NRG1: variants seen among roughly 807,000 people sequenced by gnomAD.
NRG1 encodes neuregulin 1.
NRG1 carries 18 observed loss-of-function variants against 63.8 expected under a neutral mutation model. The observed-to-expected ratio is 0.28, with a 90% CI of 0.19 to 0.42. The LOEUF (loss-of-function observed/expected upper bound fraction) is 0.42, where lower values mean the gene tolerates loss of function less well. Ranked by LOEUF, NRG1 falls within the 10% of genes least tolerant of loss-of-function variation. The pLI, the probability that NRG1 is intolerant of heterozygous loss-of-function variation, is 1.00. For synonymous variants in NRG1, 302 were observed against 301.3 expected, an observed-to-expected ratio of 1.00 and a Z score of -0.02; for missense variants, 762 against 814.7, an observed-to-expected ratio of 0.94 and a Z score of 0.79.
chr8:32,073,034 G>A (rs1311227166), intron 1 of NRG1, among the ~76,000 whole-genome samples: 1 of 152,000 alleles, frequency 6.6e-6, no homozygotes, highest in Non-Finnish European at 1.5e-5. Flanking sequence ...CAAAGAGATA[G>A]CCTGAGGTTA....
At chr8:32,614,944 C>T (rs1847071283) in intron 4 of NRG1, among the ~76,000 whole-genome samples, 1 of 152,116 alleles carries the variant, frequency 6.6e-6, no homozygotes, top group Non-Finnish European at 1.5e-5. Context: ...AATTTGTCAA[C>T]ATCTGATCCG....
chr8:31,836,376 T>C (rs901035773), intron 1 of NRG1, among the ~76,000 whole-genome samples: 1 of 152,130 alleles, frequency 6.6e-6, no homozygotes, highest in Non-Finnish European at 1.5e-5. Flanking sequence ...TACATATTTG[T>C]TGGGAGCAAA....
At chr8:32,053,566 C>T (rs1414968017) in intron 1 of NRG1, among the ~76,000 whole-genome samples, 8 of 152,154 alleles carry the variant, frequency 5.3e-5, no homozygotes, top group Admixed American at 5.2e-4. Context: ...TGGGTGGCCT[C>T]TGACATGATG....
chr8:32,293,778 G>C (rs1194089110), intron 1 of NRG1, among the ~76,000 whole-genome samples: 1 of 129,862 alleles, frequency 7.7e-6, no homozygotes, highest in African/African-American at 3.1e-5. Flanking sequence ...GGAGAGCAAT[G>C]GTGCTATCTC....
intron 1 of NRG1, among the ~76,000 whole-genome samples, chr8:32,133,932 T>C (rs939159667): frequency 1.3e-5 from 2 of 152,176 alleles, no homozygotes; most frequent in South Asian, 2.1e-4. Context: ...TAAGTGATTA[T>C]TTTTCAGCCA....
exon 9 of NRG1, chr8:32,756,508 C>G (rs775162169): frequency 6.2e-7 from 1 of 1,612,496 alleles, no homozygotes; most frequent in East Asian, 2.2e-5. Flanking sequence ...ACCCACCCCC[C>G]GAGAATGTCC....
At chr8:32,440,092 C>A (rs780457712) in intron 1 of NRG1, among the ~76,000 whole-genome samples, 9 of 152,190 alleles carry the variant, frequency 5.9e-5, no homozygotes, top group Non-Finnish European at 8.8e-5. Context: ...TGCAAAACAC[C>A]TCTTACAAGG....
At chr8:32,678,893 G>A (rs1467360974) in intron 5 of NRG1, among the ~76,000 whole-genome samples, 3 of 133,204 alleles carry the variant, frequency 2.3e-5, no homozygotes, top group Non-Finnish European at 5.1e-5. Flanking sequence ...CTCAAAAAAA[G>A]TTTTAATTTA....
intron 1 of NRG1, among the ~76,000 whole-genome samples, chr8:32,573,252 G>T (rs1838970895): frequency 6.6e-6 from 1 of 152,210 alleles, no homozygotes. Flanking sequence ...GTTCCATGAT[G>T]ACTTATTGAC....
At chr8:32,151,115 G>A (rs1837456327) in intron 1 of NRG1, among the ~76,000 whole-genome samples, 2 of 151,940 alleles carry the variant, frequency 1.3e-5, no homozygotes, top group South Asian at 4.1e-4. Flanking sequence ...TAAGACAGCT[G>A]GTAAAAAATA....
chr8:32,033,219 C>A (rs28770892), intron 1 of NRG1, among the ~76,000 whole-genome samples: 6 of 151,558 alleles, frequency 4.0e-5, no homozygotes, highest in Non-Finnish European at 7.4e-5. Flanking sequence ...CTCAGCCTCC[C>A]GAGTAGATGG....
intron 1 of NRG1, among the ~76,000 whole-genome samples, chr8:32,305,674 A>C (rs1856111711): frequency 6.6e-6 from 1 of 152,182 alleles, no homozygotes. Flanking sequence ...ATCTCACAGG[A>C]TGTTCACCCA....
intron 1 of NRG1, chr8:32,099,447 C>T (rs914119939): frequency 2.0e-5 from 3 of 152,286 alleles, no homozygotes. Context: ...TGGTGACCAT[C>T]TAAGGAAGTT....
intron 1 of NRG1, among the ~76,000 whole-genome samples, chr8:32,273,464 T>C (rs185965769): frequency 6.6e-4 from 100 of 152,314 alleles, no homozygotes; most frequent in African/African-American, 2.2e-3. Flanking sequence ...ATAAAAGTTA[T>C]TTAATTTTTT....
At chr8:32,097,322 C>T (rs1830024067) in intron 1 of NRG1, among the ~76,000 whole-genome samples, 1 of 152,072 alleles carries the variant, frequency 6.6e-6, no homozygotes, top group Non-Finnish European at 1.5e-5. Flanking sequence ...GAAGTTATCC[C>T]TTTGATGTGC....
At chr8:32,202,962 C>T (rs140566108) in intron 1 of NRG1, among the ~76,000 whole-genome samples, 6 of 151,784 alleles carry the variant, frequency 4.0e-5, no homozygotes, top group Admixed American at 2.0e-4. Flanking sequence ...GTGGAACCCT[C>T]GCCAGGAACT....
At chr8:32,617,756 C>G (rs888667459) in intron 5 of NRG1, among the ~76,000 whole-genome samples, 1 of 152,128 alleles carries the variant, frequency 6.6e-6, no homozygotes, top group African/African-American at 2.4e-5. Flanking sequence ...GTTGAAGGAA[C>G]AATTTCCTTT....
chr8:31,893,327 C>T (rs1420524073), intron 1 of NRG1, among the ~76,000 whole-genome samples: 1 of 151,060 alleles, frequency 6.6e-6, no homozygotes, highest in East Asian at 1.9e-4. Context: ...TAAGTGGGAA[C>T]AAAAAGATAT....
At chr8:32,220,580 C>T (rs1160816131) in intron 1 of NRG1, among the ~76,000 whole-genome samples, 2 of 152,126 alleles carry the variant, frequency 1.3e-5, no homozygotes, top group African/African-American at 4.8e-5. Context: ...GAAATAAACA[C>T]GCTGGTTCAA....
Sources: allele counts gnomAD v4.1 joint callset (sites outside exome capture counted in the v4.1 genomes callset), GRCh38; gene constraint gnomAD v4.1.1; transcripts MANE v1.5; gene names NCBI Gene and HGNC (gene_info 2026-07-23, HGNC 2026-07-21).